APBB2: variants seen among roughly 807,000 people sequenced by gnomAD.
APBB2 encodes Fe65-like 1.
APBB2 carries 38 observed loss-of-function variants against 82.5 expected under a neutral mutation model. The ratio of observed to expected loss-of-function variants is 0.46; its 90% CI spans 0.36 to 0.60. The LOEUF is 0.60. Among genes scored for constraint, APBB2 ranks in the 20% least tolerant of loss-of-function variants. The pLI is 0.00. For missense variants in APBB2, 772 were observed against 972.3 expected (o/e 0.79, Z 2.74); for synonymous variants, 341 against 368.2 (o/e 0.93, Z 0.85).
intron 12 of APBB2, among the ~76,000 whole-genome samples, chr4:40,831,594 G>A (rs1019372428): frequency 1.2e-4 from 19 of 152,124 alleles, no homozygotes; most frequent in Non-Finnish European, 2.9e-5. Context: ...AGACAGTGGC[G>A]CAGCGGAAGC....
intron 5 of APBB2, among the ~76,000 whole-genome samples, chr4:41,029,613 C>A (rs1344447813): frequency 6.6e-6 from 1 of 152,206 alleles, no homozygotes; most frequent in African/African-American, 2.4e-5. Flanking sequence ...TAAACTCAAT[C>A]TTAACGAGCT....
chr4:41,145,615 G>A (rs1180582501), intron 1 of APBB2, among the ~76,000 whole-genome samples: 1 of 152,226 alleles, frequency 6.6e-6, no homozygotes, highest in Non-Finnish European at 1.5e-5. Context: ...AACAATGAGT[G>A]CACTGTGCTT....
At chr4:40,892,750 T>A (rs949302497) in intron 11 of APBB2, 1 of 152,322 alleles carries the variant, frequency 6.6e-6, no homozygotes, top group Non-Finnish European at 1.5e-5. Context: ...ATGGAATCAC[T>A]CTGTTAAAAG....
intron 6 of APBB2, among the ~76,000 whole-genome samples, chr4:40,952,489 T>A (rs1237369053): frequency 6.6e-6 from 1 of 152,226 alleles, no homozygotes; most frequent in Non-Finnish European, 1.5e-5. Context: ...TCATAATTTT[T>A]AAAATAAAGA....
intron 1 of APBB2, among the ~76,000 whole-genome samples, chr4:41,175,928 T>C (rs10517000): frequency 0.12 from 17,641 of 143,884 alleles, 1,712 homozygotes; most frequent in African/African-American, 0.29. Context: ...TCATGCATCA[T>C]AGGTGAAGTT....
intron 3 of APBB2, among the ~76,000 whole-genome samples, chr4:41,089,718 T>C (rs1461103816): frequency 6.6e-6 from 1 of 152,176 alleles, no homozygotes; most frequent in Admixed American, 6.6e-5. Flanking sequence ...ATAAACAGAA[T>C]TTCCAGATTA....
chr4:41,196,599 CTTTTTTTTTTTTTT>C, intron 1 of APBB2, among the ~76,000 whole-genome samples: 3 of 100,352 alleles, frequency 3.0e-5, no homozygotes, highest in African/African-American at 1.3e-4. Flanking sequence ...AAGCCCCCTG[CTTTTTTTTTTTTTT>C]TTTTTTTTTG....
intron 1 of APBB2, among the ~76,000 whole-genome samples, chr4:41,155,825 G>A (rs1173659767): frequency 6.6e-6 from 1 of 152,174 alleles, no homozygotes; most frequent in Non-Finnish European, 1.5e-5. Flanking sequence ...ATAGGGTTTG[G>A]CAGATTTCAG....
intron 10 of APBB2, among the ~76,000 whole-genome samples, chr4:40,910,689 T>C (rs1316047191): frequency 6.6e-6 from 1 of 152,240 alleles, no homozygotes; most frequent in East Asian, 1.9e-4. Context: ...ATGTGCCACA[T>C]GCTCAAGAAA....
chr4:41,205,841 A>G lies in APBB2; in HGVS notation c.-417+8564T>C, dbSNP rs529995992. Among the ~76,000 whole-genome samples the G allele has an allele frequency of 3.9e-5, 6 of 152,352 alleles. No individual in the cohort carries two copies. The South Asian group carries it at 1.2e-3, about 32-fold the overall frequency. The stretch of plus-strand genomic sequence containing the variant: ...CAATTAGTATTCCTATTTGCAGATG[A>G]GCAAACTGAGCACTGTGTAATTCTG... On this transcript the variant is annotated intron_variant, in intron 1 of 17. Transcript: ENST00000508593.
chr4:41,081,281 T>C (rs1049010252), intron 3 of APBB2, among the ~76,000 whole-genome samples: 1 of 152,186 alleles, frequency 6.6e-6, no homozygotes, highest in Non-Finnish European at 1.5e-5. Flanking sequence ...TGTGTGTGTG[T>C]ATGTGTGTAC....
intron 3 of APBB2, among the ~76,000 whole-genome samples, chr4:41,074,442 G>A (rs1270446519): frequency 6.6e-6 from 1 of 152,106 alleles, no homozygotes; most frequent in Non-Finnish European, 1.5e-5. Flanking sequence ...CAAAACAGAT[G>A]CCCCAGCACT....
intron 3 of APBB2, among the ~76,000 whole-genome samples, chr4:41,099,873 G>A (rs547572830): frequency 7.9e-5 from 12 of 152,148 alleles, no homozygotes; most frequent in South Asian, 2.1e-4. Context: ...GTTTCTGTGC[G>A]TGCACGTGCA....
rs555818570 is a variant in APBB2 at position 41,020,621 on chromosome 4, T to C, written c.20-6223A>G. Among the ~76,000 whole-genome samples, 6 of 152,304 alleles carry C rather than the reference T, an allele frequency of 3.9e-5. No homozygotes were observed. In the South Asian group the frequency reaches 8.3e-4, roughly 21 times the overall value. On this transcript the variant is annotated intron_variant, in intron 5 of 17. Coordinates refer to ENST00000508593, the MANE Select transcript of APBB2 (RefSeq NM_004307.2). ...GTTCAGTCCATATTAACTTATAAGG[T>C]AATCCCAAATTTATTAGGTTATAAG...
intron 1 of APBB2, among the ~76,000 whole-genome samples, chr4:41,191,857 A>G (rs536001701): frequency 6.6e-6 from 1 of 152,334 alleles, no homozygotes; most frequent in South Asian, 2.1e-4. Context: ...GAGACTGGGA[A>G]AAAGCATTTG....
intron 2 of APBB2, among the ~76,000 whole-genome samples, chr4:41,120,709 T>C (rs976155811): frequency 6.6e-6 from 1 of 152,142 alleles, no homozygotes. Flanking sequence ...AGTTTCACCA[T>C]CCGTACAGCT....
intron 1 of APBB2, among the ~76,000 whole-genome samples, chr4:41,149,503 G>A (rs1455967396): frequency 8.1e-6 from 1 of 122,874 alleles, no homozygotes; most frequent in Non-Finnish European, 1.8e-5. Context: ...AGAAGGGAAG[G>A]CACAGGCGTT....
chr4:40,904,555 A>G (rs28392938), intron 10 of APBB2, among the ~76,000 whole-genome samples: 5,843 of 152,146 alleles, frequency 0.038, 361 homozygotes, highest in African/African-American at 0.13. Flanking sequence ...TTCAAGATTC[A>G]AAATACCTCT....
chr4:41,154,236 T>C (rs932862450), intron 1 of APBB2, among the ~76,000 whole-genome samples: 12 of 152,196 alleles, frequency 7.9e-5, no homozygotes, highest in African/African-American at 1.9e-4. Flanking sequence ...TTTCCTCCAA[T>C]AGAGATGGCT....
Sources: gnomAD v4.1 joint callset for allele counts (sites outside exome capture counted in the v4.1 genomes callset) on GRCh38, gnomAD v4.1.1 for gene constraint, MANE v1.5 for transcripts, NCBI Gene and HGNC (gene_info 2026-07-23, HGNC 2026-07-21) for gene names.